Variants in TSPAN14 observed in about 807,000 individuals in gnomAD.
TSPAN14 encodes tetraspanin-14.
TSPAN14 carries 16 observed loss-of-function variants against 36.6 expected under a neutral mutation model. The ratio of observed to expected loss-of-function variants is 0.44; its 90% CI spans 0.30 to 0.66. TSPAN14 has a LOEUF of 0.66. Ranked by LOEUF, TSPAN14 falls within the 30% of genes least tolerant of loss-of-function variation. The pLI is 0.12. For synonymous variants in TSPAN14, 139 were observed against 143.8 expected, an observed-to-expected ratio of 0.97 and a Z score of 0.24; for missense variants, 231 against 355.1, an observed-to-expected ratio of 0.65 and a Z score of 2.81.
chr10:80,510,778 G>A (rs1465651367), intron 5 of TSPAN14, among the ~76,000 whole-genome samples: 3 of 152,172 alleles, frequency 2.0e-5, no homozygotes, highest in Non-Finnish European at 4.4e-5. Context: ...GGAGGCTGAG[G>A]CAGGAGAATG....
intron 2 of TSPAN14, among the ~76,000 whole-genome samples, chr10:80,504,337 G>C (rs1840169141): frequency 6.6e-6 from 1 of 152,186 alleles, no homozygotes; most frequent in Non-Finnish European, 1.5e-5. Flanking sequence ...CCTGTGTTGG[G>C]AACCTCTGAG....
intron 1 of TSPAN14, among the ~76,000 whole-genome samples, chr10:80,484,471 C>A (rs1243092458): frequency 2.0e-5 from 3 of 152,124 alleles, no homozygotes; most frequent in African/African-American, 7.2e-5. Context: ...ACTTCAGTCA[C>A]CACACCCAGC....
chr10:80,464,146 C>T (rs1846117292), intron 1 of TSPAN14, among the ~76,000 whole-genome samples: 1 of 152,152 alleles, frequency 6.6e-6, no homozygotes, highest in African/African-American at 2.4e-5. Context: ...TTGCAGCAAG[C>T]TGGAGCTGGC....
chr10:80,479,613 C>T (rs565654751), intron 1 of TSPAN14, among the ~76,000 whole-genome samples: 4 of 152,006 alleles, frequency 2.6e-5, no homozygotes, highest in African/African-American at 4.8e-5. Context: ...AGATATGTGG[C>T]GTTATTTCTG....
intron 1 of TSPAN14, among the ~76,000 whole-genome samples, chr10:80,459,875 G>C (rs1276846296): frequency 1.3e-5 from 2 of 152,162 alleles, no homozygotes; most frequent in East Asian, 3.9e-4. Flanking sequence ...GTGCCCACCA[G>C]CTGTGCTGAG....
intron 2 of TSPAN14, among the ~76,000 whole-genome samples, chr10:80,495,992 G>A (rs1848179502): frequency 6.6e-6 from 1 of 151,812 alleles, no homozygotes; most frequent in African/African-American, 2.4e-5. Context: ...AAACTCTTTG[G>A]TATCTGACTT....
intron 6 of TSPAN14, among the ~76,000 whole-genome samples, chr10:80,512,584 C>G (rs1840718523): frequency 6.6e-6 from 1 of 152,236 alleles, no homozygotes; most frequent in Admixed American, 6.5e-5. Context: ...GCTTATCCCT[C>G]TTCCCTGTCC....
intron 2 of TSPAN14, among the ~76,000 whole-genome samples, chr10:80,501,610 G>A (rs1848530030): frequency 6.6e-6 from 1 of 152,212 alleles, no homozygotes; most frequent in Non-Finnish European, 1.5e-5. Flanking sequence ...GTCATGGAAA[G>A]CTGTTAGGCA....
rs370798554 is a variant in TSPAN14 at position 80,512,124 on chromosome 10, T to C, written c.451-20T>C. The C allele has an allele frequency of 2.2e-4, 362 of 1,613,940 alleles. No homozygotes were observed. The highest frequency in any genetic ancestry group is 2.9e-4 in the Non-Finnish European group (345 of 1,179,962). On this transcript the variant is annotated intron_variant, in intron 5 of 8. Coordinates refer to ENST00000429989, the Ensembl canonical transcript of TSPAN14. ...GCCCTGTCTTGGAGCCCCTAACAGT[T>C]CTGGCTTTTGTGGTTGCAGAACCAG...
At position 80,504,688 on chromosome 10, in the gene TSPAN14, C is replaced by T. The variant is rs749939556; in HGVS notation, c.82-40C>T. On this transcript the variant is annotated intron_variant, in intron 2 of 8. Coordinates refer to ENST00000429989, the Ensembl canonical transcript of TSPAN14. Reference sequence around the variant, plus strand: ...TGAAGCATGTTCACAGTGCTGGTTTCCAACCTAACTTCCTTCTCTCTTTCC... The same window carrying T: ...TGAAGCATGTTCACAGTGCTGGTTTTCAACCTAACTTCCTTCTCTCTTTCC... 8.1e-6 allele frequency: 13 copies of T among 1,613,622 alleles called. No individual in the cohort carries two copies. The South Asian group carries it at 1.4e-4, about 18-fold the overall frequency.
rs1564745256 is a variant in TSPAN14, at chr10:80,511,760, CT to C, written c.451-383del. ...TCTCTCTCTCTCTCTCTCTCTCTCT[CT>C]CTCTCTCTCTCCCCTTTTTTCTTTC... On this transcript the variant is annotated intron_variant, in intron 5 of 8. Coordinates refer to ENST00000429989, the Ensembl canonical transcript of TSPAN14. Among the ~76,000 whole-genome samples, 198 of 136,878 alleles carry C rather than the reference CT, an allele frequency of 1.4e-3. 8 individuals are homozygous for C. Among genetic ancestry groups the C allele is most frequent in the South Asian group, 3.5e-3 (15 of 4,266 alleles). The allele number at this position is 136,878 out of a possible 152,430, so 89.8% of individuals were successfully genotyped here.
intron 2 of TSPAN14, among the ~76,000 whole-genome samples, chr10:80,493,624 T>C (rs749654302): frequency 7.2e-5 from 11 of 152,206 alleles, no homozygotes; most frequent in Non-Finnish European, 1.3e-4. Flanking sequence ...GAGTACATAG[T>C]GCTGAGTGAG....
At chr10:80,476,554 T>C (rs1161581375) in intron 1 of TSPAN14, among the ~76,000 whole-genome samples, 2 of 151,152 alleles carry the variant, frequency 1.3e-5, no homozygotes, top group African/African-American at 4.9e-5. Flanking sequence ...TAGCTGGGAA[T>C]ACAGGCACCC....
At chr10:80,482,327 CTCAGGCTG>C in intron 1 of TSPAN14, among the ~76,000 whole-genome samples, 1 of 152,338 alleles carries the variant, frequency 6.6e-6, no homozygotes, top group East Asian at 1.9e-4. Context: ...CGCTCTGTGG[CTCAGGCTG>C]GAGTGCACTG....
At chr10:80,480,043 CT>C in intron 1 of TSPAN14, among the ~76,000 whole-genome samples, 1 of 146,836 alleles carries the variant, frequency 6.8e-6, no homozygotes, top group African/African-American at 2.6e-5. Context: ...GTATTTTCTT[CT>C]CTTTGAAGCA....
chr10:80,497,260 C>T (rs951707377), intron 2 of TSPAN14, among the ~76,000 whole-genome samples: 4 of 152,104 alleles, frequency 2.6e-5, no homozygotes, highest in African/African-American at 9.7e-5. Context: ...ATAGGGTATC[C>T]CAGGCTTTGT....
intron 1 of TSPAN14, among the ~76,000 whole-genome samples, chr10:80,462,883 C>G (rs754198962): frequency 6.6e-6 from 1 of 152,124 alleles, no homozygotes; most frequent in Non-Finnish European, 1.5e-5. Flanking sequence ...CCACTGATGA[C>G]TGAGTGGGGA....
chr10:80,513,403 C>G (rs1413133732), intron 6 of TSPAN14, among the ~76,000 whole-genome samples: 4 of 152,296 alleles, frequency 2.6e-5, no homozygotes, highest in African/African-American at 9.6e-5. Flanking sequence ...AGCATCACCA[C>G]TATTATATGG....
At chr10:80,512,370 G>T in intron 6 of TSPAN14, 101 bp downstream of exon 6, 1 of 1,494,340 alleles carries the variant, frequency 6.7e-7, no homozygotes, top group Non-Finnish European at 8.9e-7. Context: ...TGTCATGGAG[G>T]TCTGAGGAGC....
Sources: gnomAD v4.1 joint callset for allele counts (sites outside exome capture counted in the v4.1 genomes callset) on GRCh38, gnomAD v4.1.1 for gene constraint, MANE v1.5 for transcripts, NCBI Gene and HGNC (gene_info 2026-07-23, HGNC 2026-07-21) for gene names.